The following FRYL variants were observed in gnomAD, a reference collection of about 807,000 sequenced individuals.
FRYL encodes FRY like transcription coactivator, also known as protein furry homolog-like.
FRYL carries 150 observed loss-of-function variants against 351.2 expected under a neutral mutation model. The observed-to-expected ratio is 0.43, with a 90% CI of 0.37 to 0.49. The LOEUF is 0.49. FRYL is among the 20% of genes least tolerant of loss of function. FRYL has a pLI of 0.00. For missense variants in FRYL, 3,036 were observed against 3,619.3 expected (o/e 0.84, Z 4.13); for synonymous variants, 1,153 against 1,257.1 (o/e 0.92, Z 1.75).
At chr4:48,712,932 T>C (rs950304410) in intron 1 of FRYL, among the ~76,000 whole-genome samples, 1 of 152,136 alleles carries the variant, frequency 6.6e-6, no homozygotes, top group East Asian at 1.9e-4. Context: ...ATTCAACATT[T>C]TTAAAGAAAA....
intron 1 of FRYL, among the ~76,000 whole-genome samples, chr4:48,762,332 T>C (rs1236953832): frequency 2.6e-5 from 4 of 152,200 alleles, no homozygotes; most frequent in East Asian, 1.9e-4. Flanking sequence ...CCATCAACCA[T>C]ATGTGAATGT....
In FRYL at chr4:48,608,967, G is replaced by A; in HGVS notation, c.572+20C>T. 1 of 1,481,728 alleles carries A rather than the reference G, an allele frequency of 6.7e-7. No homozygotes were observed. Among genetic ancestry groups the A allele is most frequent in the Non-Finnish European group, 9.4e-7 (1 of 1,060,280 alleles). 91.8% of individuals were successfully genotyped at this position (1,481,728 alleles called of 1,614,324 possible). A position where few individuals can be genotyped will look rare whatever the true frequency, so the allele number is the denominator to read the frequency against. ...TCTAAAATGCAAAGAAAATCTAAATGGGTGATTTACAAAACTTACTTTGAT... is the reference window on the plus strand; with the variant it reads ...TCTAAAATGCAAAGAAAATCTAAATAGGTGATTTACAAAACTTACTTTGAT... On this transcript the variant is annotated intron_variant, in intron 9 of 63. Transcript: ENST00000358350.
chr4:48,604,689 C>T (rs1240072783), intron 11 of FRYL, among the ~76,000 whole-genome samples: 1 of 152,178 alleles, frequency 6.6e-6, no homozygotes, highest in Non-Finnish European at 1.5e-5. Context: ...ACACTCTAGC[C>T]TCCGTAAATA....
chr4:48,664,563 GC>G (rs1254339552), intron 3 of FRYL, among the ~76,000 whole-genome samples: 6 of 152,174 alleles, frequency 3.9e-5, no homozygotes, highest in African/African-American at 1.4e-4. Context: ...ATGTGGAATA[GC>G]CCGGTATGGG....
At chr4:48,639,035 A>G (rs1754820636) in intron 3 of FRYL, among the ~76,000 whole-genome samples, 1 of 152,056 alleles carries the variant, frequency 6.6e-6, no homozygotes, top group South Asian at 2.1e-4. Flanking sequence ...CAGCAAACCA[A>G]CATGGCATGT....
At chr4:48,600,680 T>C (rs1745514895) in intron 13 of FRYL, among the ~76,000 whole-genome samples, 2 of 152,114 alleles carry the variant, frequency 1.3e-5, no homozygotes, top group Non-Finnish European at 2.9e-5. Flanking sequence ...CCAGAAACAT[T>C]TAAATGCATA....
chr4:48,657,782 A>AG (rs1302142839), intron 3 of FRYL, among the ~76,000 whole-genome samples: 2 of 152,148 alleles, frequency 1.3e-5, no homozygotes, highest in Non-Finnish European at 2.9e-5. Context: ...TTTTTAAGAA[A>AG]GTCCAATTTC....
intron 1 of FRYL, among the ~76,000 whole-genome samples, chr4:48,763,331 A>G (rs1458971146): frequency 3.3e-5 from 5 of 151,662 alleles, no homozygotes; most frequent in Non-Finnish European, 7.4e-5. Flanking sequence ...ACATGATGAC[A>G]TGCAACTGCA....
intron 23 of FRYL, among the ~76,000 whole-genome samples, chr4:48,576,850 T>C (rs1443038994): frequency 2.6e-5 from 4 of 152,188 alleles, no homozygotes; most frequent in Admixed American, 1.3e-4. Context: ...AAATAAACAC[T>C]GCATATTCTA....
intron 1 of FRYL, among the ~76,000 whole-genome samples, chr4:48,728,249 A>G (rs1770304279): frequency 6.6e-6 from 1 of 152,222 alleles, no homozygotes; most frequent in African/African-American, 2.4e-5. Flanking sequence ...TCTAATCAAT[A>G]AAGCAGATGA....
intron 3 of FRYL, among the ~76,000 whole-genome samples, chr4:48,665,122 T>C (rs1761483230): frequency 6.6e-6 from 1 of 152,220 alleles, no homozygotes; most frequent in Admixed American, 6.5e-5. Context: ...TGGTTACCTA[T>C]GCAGCAATTA....
At chr4:48,774,062 A>AT (rs2109428502) in intron 1 of FRYL, among the ~76,000 whole-genome samples, 1 of 152,328 alleles carries the variant, frequency 6.6e-6, no homozygotes, top group South Asian at 2.1e-4. Context: ...ATAAAATGTT[A>AT]TTTTTTATTT....
At chr4:48,540,224 T>G in intron 46 of FRYL, 129 bp downstream of exon 46, 1 of 1,224,074 alleles carries the variant, frequency 8.2e-7, no homozygotes, top group Non-Finnish European at 1.1e-6. Context: ...CCAAATAATT[T>G]AAGCTACCTA....
chr4:48,532,779 A>G (rs1205307956), intron 49 of FRYL, among the ~76,000 whole-genome samples: 1 of 152,244 alleles, frequency 6.6e-6, no homozygotes, highest in Non-Finnish European at 1.5e-5. Context: ...GCTAAACTTT[A>G]GGGATGTTTT....
At chr4:48,602,572 GA>G (rs373677770) in intron 12 of FRYL, among the ~76,000 whole-genome samples, 596 of 147,716 alleles carry the variant, frequency 4.0e-3, no homozygotes, top group African/African-American at 9.8e-3. Flanking sequence ...CTTAAAGTAA[GA>G]AAAAAAAAAG....
intron 59 of FRYL, among the ~76,000 whole-genome samples, chr4:48,509,366 T>C (rs1229063371): frequency 6.6e-6 from 1 of 152,198 alleles, no homozygotes; most frequent in Admixed American, 6.5e-5. Context: ...CAAATATTAG[T>C]CATCAGGGAA....
intron 1 of FRYL, among the ~76,000 whole-genome samples, chr4:48,725,049 C>G (rs1769929245): frequency 6.6e-6 from 1 of 152,206 alleles, no homozygotes; most frequent in Admixed American, 6.5e-5. Context: ...TCCATTATCC[C>G]TCAAGATGAT....
chr4:48,696,875 T>C (rs187399315), intron 2 of FRYL, among the ~76,000 whole-genome samples: 5 of 151,662 alleles, frequency 3.3e-5, no homozygotes, highest in African/African-American at 1.2e-4. Context: ...TATCTATCTA[T>C]CTATCTATCT....
intron 59 of FRYL, 52 bp downstream of exon 59, chr4:48,510,007 C>CT: frequency 1.7e-6 from 2 of 1,192,180 alleles, no homozygotes; most frequent in Non-Finnish European, 2.5e-6. Flanking sequence ...CAGGATTACC[C>CT]TTCCAGTGTC....
Sources: allele counts gnomAD v4.1 joint callset (sites outside exome capture counted in the v4.1 genomes callset), GRCh38; gene constraint gnomAD v4.1.1; transcripts MANE v1.5; gene names NCBI Gene and HGNC (gene_info 2026-07-23, HGNC 2026-07-21).